The following RBMS2 variants were observed in gnomAD, a reference collection of about 807,000 sequenced individuals.
RBMS2 encodes RNA binding motif single stranded interacting protein 2.
RBMS2 carries 38 observed loss-of-function variants against 58.4 expected under a neutral mutation model. That is an observed-to-expected ratio of 0.65 (90% CI 0.50 to 0.85). RBMS2 has a LOEUF of 0.85. RBMS2 is among the 40% of genes least tolerant of loss of function. The probability of loss-of-function intolerance (pLI) is 0.00; values close to 1 mark genes in which losing one functional copy is unlikely to be tolerated. For synonymous variants in RBMS2, 151 were observed against 180.7 expected (o/e 0.84, Z 1.32); for missense variants, 367 against 503.7 (o/e 0.73, Z 2.60).
At chr12:56,561,390 TAA>T (rs1880358941) in intron 1 of RBMS2, among the ~76,000 whole-genome samples, 1 of 152,222 alleles carries the variant, frequency 6.6e-6, no homozygotes, top group Non-Finnish European at 1.5e-5. Flanking sequence ...CAACAGTGTA[TAA>T]GTGTTCCCTT....
intron 1 of RBMS2, chr12:56,539,588 T>G (rs937254901): frequency 2.6e-6 from 1 of 382,530 alleles, no homozygotes; most frequent in African/African-American, 2.2e-5. Flanking sequence ...CAATTTTTGT[T>G]TTCCCTGGAG....
At chr12:56,548,683 G>T (rs1244055324) in intron 1 of RBMS2, among the ~76,000 whole-genome samples, 1 of 152,156 alleles carries the variant, frequency 6.6e-6, no homozygotes, top group African/African-American at 2.4e-5. Flanking sequence ...CATTCCCGTT[G>T]CATTAGGAAT....
intron 1 of RBMS2, among the ~76,000 whole-genome samples, chr12:56,541,466 G>T (rs1876083633): frequency 1.3e-5 from 2 of 152,014 alleles, no homozygotes; most frequent in African/African-American, 2.4e-5. Flanking sequence ...AATAATATTT[G>T]CATAGCTCTT....
intron 1 of RBMS2, among the ~76,000 whole-genome samples, chr12:56,531,834 G>A (rs1257838551): frequency 2.1e-5 from 3 of 143,914 alleles, no homozygotes; most frequent in East Asian, 4.1e-4. Context: ...AAAAAAAAAA[G>A]TACTGATATA....
chr12:56,549,580 G>C (rs921153015), intron 1 of RBMS2, among the ~76,000 whole-genome samples: 1 of 152,154 alleles, frequency 6.6e-6, no homozygotes, highest in Non-Finnish European at 1.5e-5. Flanking sequence ...AAAGATGAAG[G>C]AGTTATATAT....
At chr12:56,532,259 T>A (rs527546263) in intron 1 of RBMS2, among the ~76,000 whole-genome samples, 22 of 142,220 alleles carry the variant, frequency 1.5e-4, no homozygotes, top group Middle Eastern at 4.7e-3. Context: ...GAAAAAAAAA[T>A]TGGCCAGGTG....
intron 1 of RBMS2, among the ~76,000 whole-genome samples, chr12:56,533,019 C>T (rs968138126): frequency 2.0e-5 from 3 of 151,794 alleles, no homozygotes; most frequent in South Asian, 2.1e-4. Flanking sequence ...ACTGCAGCCT[C>T]GACCTCCCTG....
chr12:56,549,289 C>T (rs991948969), intron 1 of RBMS2, among the ~76,000 whole-genome samples: 2 of 151,984 alleles, frequency 1.3e-5, no homozygotes, highest in African/African-American at 4.8e-5. Context: ...GCCACTGGGC[C>T]GGGCCAGAAA....
rs761444411 is a variant in RBMS2 at position 56,571,678 on chromosome 12, TCTCA to T, written c.385-17_385-14del. 6.6e-7 allele frequency: 1 copy of T among 1,506,516 alleles called. No individual in the cohort carries two copies. Among genetic ancestry groups the T allele is most frequent in the East Asian group, 2.5e-5 (1 of 40,492 alleles). 93.3% of individuals were successfully genotyped at this position (1,506,516 alleles called of 1,614,324 possible). A position where few individuals can be genotyped will look rare whatever the true frequency, so the allele number is the denominator to read the frequency against. ...GGGATAAGAGATGTGAGCCTCATTT[TCTCA>T]CTGTTATTTCCACAGCAACAGGAAC... On this transcript the variant is annotated splice_polypyrimidine_tract_variant and intron_variant, in intron 4 of 13. Coordinates refer to ENST00000262031, the MANE Select transcript of RBMS2 (RefSeq NM_002898.4).
chr12:56,573,250 G>T lies in RBMS2; in HGVS notation c.542+1395G>T. 3.4e-6 allele frequency: 3 copies of T among 892,140 alleles called. No homozygotes were observed. In the South Asian group the frequency reaches 1.6e-4, roughly 46 times the overall value. The allele number at this position is 892,140 out of a possible 1,614,324, so 55.3% of individuals were successfully genotyped here. ...CCAGCACTTTGGGAGGCTGAGGCGGGTGGATCACCTGAGGTCAGGAGTTTG... is the reference window on the plus strand; with the variant it reads ...CCAGCACTTTGGGAGGCTGAGGCGGTTGGATCACCTGAGGTCAGGAGTTTG... On this transcript the variant is annotated intron_variant, in intron 5 of 13. Transcript: ENST00000262031.
chr12:56,562,273 G>A, intron 1 of RBMS2, 144 bp from the exon 2 acceptor site: 2 of 716,598 alleles, frequency 2.8e-6, no homozygotes, highest in Non-Finnish European at 2.3e-6. Flanking sequence ...ATAGAGCTAA[G>A]GAACAAACTA....
chr12:56,586,772 T>C, intron 9 of RBMS2, 77 bp from the exon 10 acceptor site: 1 of 1,283,260 alleles, frequency 7.8e-7, no homozygotes, highest in Non-Finnish European at 1.1e-6. Context: ...TTTTCTGAGC[T>C]TTGTTGAACA....
chr12:56,575,921 C>T (rs1001972868), intron 5 of RBMS2, among the ~76,000 whole-genome samples: 1 of 151,790 alleles, frequency 6.6e-6, no homozygotes, highest in Admixed American at 6.6e-5. Context: ...ATAGAGTGGT[C>T]CCCCCTTATT....
chr12:56,527,252 C>T (rs184588535), intron 1 of RBMS2, among the ~76,000 whole-genome samples: 6 of 152,308 alleles, frequency 3.9e-5, no homozygotes, highest in African/African-American at 1.2e-4. Context: ...AAGAACTTGT[C>T]GGTCTAACAT....
At chr12:56,527,181 TGTA>T (rs1313915323) in intron 1 of RBMS2, among the ~76,000 whole-genome samples, 2 of 152,222 alleles carry the variant, frequency 1.3e-5, no homozygotes, top group Non-Finnish European at 2.9e-5. Flanking sequence ...ATTTTCTCTG[TGTA>T]TGTTTACTAC....
intron 1 of RBMS2, among the ~76,000 whole-genome samples, chr12:56,526,620 T>G (rs935965017): frequency 1.1e-4 from 17 of 150,408 alleles, no homozygotes; most frequent in Non-Finnish European, 2.5e-4. Context: ...TTTTGTGTTT[T>G]TTTTTTTTTA....
rs1348223340 is a variant in RBMS2 at position 56,576,872 on chromosome 12, C to G, written c.543-4312C>G. Reference sequence around the variant, plus strand: ...CCTGGCCAAAATGGTGAAACCCCGTCTCTACTAAAAATATAAAAATTAGCT... The same window carrying G: ...CCTGGCCAAAATGGTGAAACCCCGTGTCTACTAAAAATATAAAAATTAGCT... On this transcript the variant is annotated intron_variant, in intron 5 of 13. Coordinates refer to ENST00000262031, the MANE Select transcript of RBMS2 (RefSeq NM_002898.4). Among the ~76,000 whole-genome samples, 5 of 151,346 alleles carry G rather than the reference C, an allele frequency of 3.3e-5. No individual in the cohort carries two copies. In the East Asian group the frequency reaches 7.8e-4, roughly 24 times the overall value.
At chr12:56,573,228 G>T in intron 5 of RBMS2, 1 of 947,006 alleles carries the variant, frequency 1.1e-6, no homozygotes, top group Non-Finnish European at 1.3e-6. Context: ...TGTAATCCCA[G>T]CACTTTGGGA....
At chr12:56,530,275 A>T (rs990451035) in intron 1 of RBMS2, among the ~76,000 whole-genome samples, 1 of 151,460 alleles carries the variant, frequency 6.6e-6, no homozygotes, top group Non-Finnish European at 1.5e-5. Context: ...TTGTTATTTT[A>T]AAAAAAGGGA....
Sources: gnomAD v4.1 joint callset for allele counts (sites outside exome capture counted in the v4.1 genomes callset) on GRCh38, gnomAD v4.1.1 for gene constraint, MANE v1.5 for transcripts, NCBI Gene and HGNC (gene_info 2026-07-23, HGNC 2026-07-21) for gene names.